The following NEBL variants were observed in gnomAD, a reference collection of about 807,000 sequenced individuals.
NEBL encodes the protein LIM and SH3 protein 2.
In NEBL, 122 loss-of-function variants were observed where a neutral mutation model predicts 140.2. That is an observed-to-expected ratio of 0.87 (90% CI 0.75 to 1.01). The LOEUF is 1.01. NEBL is among the 50% of genes least tolerant of loss of function. The probability of loss-of-function intolerance (pLI) is 0.00; values close to 1 mark genes in which losing one functional copy is unlikely to be tolerated. For missense variants in NEBL, 1,365 were observed against 1,231.3 expected (o/e 1.11, Z -1.62); for synonymous variants, 436 against 398.9 (o/e 1.09, Z -1.11).
chr10:21,287,954 C>T (rs1483111152), intron 1 of NEBL, among the ~76,000 whole-genome samples: 1 of 152,154 alleles, frequency 6.6e-6, no homozygotes, highest in Non-Finnish European at 1.5e-5. Flanking sequence ...ATGTTCATAT[C>T]CATATACTAT....
chr10:21,188,723 C>T (rs1841521416), intron 3 of NEBL, among the ~76,000 whole-genome samples: 1 of 151,566 alleles, frequency 6.6e-6, no homozygotes, highest in South Asian at 2.1e-4. Flanking sequence ...GCCTCAGCCT[C>T]CCGGGTACAG....
At chr10:20,847,625 G>T (rs760832101) in intron 11 of NEBL, among the ~76,000 whole-genome samples, 2 of 152,102 alleles carry the variant, frequency 1.3e-5, no homozygotes, top group African/African-American at 4.8e-5. Context: ...AAGAGGGGAG[G>T]GGGTAAAGGG....
intron 14 of NEBL, among the ~76,000 whole-genome samples, chr10:20,833,718 T>C (rs1840629283): frequency 6.8e-6 from 1 of 147,286 alleles, no homozygotes; most frequent in Admixed American, 6.9e-5. Flanking sequence ...ATTGCACCAC[T>C]GCACTCCAGC....
At chr10:21,242,938 C>G (rs2132266007) in intron 3 of NEBL, among the ~76,000 whole-genome samples, 1 of 152,182 alleles carries the variant, frequency 6.6e-6, no homozygotes, top group South Asian at 2.1e-4. Flanking sequence ...CCAAGCACAC[C>G]CCTGCCTTGG....
chr10:21,159,299 G>T (rs1008366783), intron 2 of NEBL, among the ~76,000 whole-genome samples: 3 of 151,950 alleles, frequency 2.0e-5, no homozygotes, highest in Non-Finnish European at 2.9e-5. Context: ...CAGTCACAGG[G>T]GTATGGCACA....
At position 20,897,299 on chromosome 10, in the gene NEBL, C is replaced by A; in HGVS notation, c.-94G>T. ...CCTTGAGATGCTGACGTCTCTGGTG[C>A]TCTGGCAGAAATGCCCTTGCCCAAG... is the stretch of plus-strand genomic sequence containing the variant. On this transcript the variant is annotated 5_prime_UTR_variant, in exon 1 of 28. Coordinates refer to ENST00000377122, the MANE Select transcript of NEBL (RefSeq NM_006393.3). 1 of 1,508,888 alleles carries A rather than the reference C, an allele frequency of 6.6e-7. No individual in the cohort carries two copies. The allele number at this position is 1,508,888 out of a possible 1,614,324, so 93.5% of individuals were successfully genotyped here.
In NEBL at chr10:21,207,633, T is replaced by C. The variant is rs528018612; in HGVS notation, n.349-35156A>G. Among the ~76,000 whole-genome samples, 16 of 152,094 alleles carry C rather than the reference T, an allele frequency of 1.1e-4. No individual in the cohort carries two copies. In the South Asian group the frequency reaches 2.9e-3, roughly 28 times the overall value. Reference sequence around the variant, plus strand: ...TGAGCTTCTGGTTGGGTTTGGCCAATGGGAGCCCCTGCAGGAGATCATGGA... The same window carrying C: ...TGAGCTTCTGGTTGGGTTTGGCCAACGGGAGCCCCTGCAGGAGATCATGGA... On this transcript the variant is annotated intron_variant and non_coding_transcript_variant, in intron 3 of 8. Coordinates refer to the NEBL transcript ENST00000675702.
At chr10:20,959,516 T>C (rs2131613986) in intron 4 of NEBL, among the ~76,000 whole-genome samples, 1 of 152,214 alleles carries the variant, frequency 6.6e-6, no homozygotes, top group Middle Eastern at 3.4e-3. Context: ...CCAAGTTTCT[T>C]ATAGAAAAAG....
At chr10:21,020,534 A>G (rs1838745897) in intron 2 of NEBL, among the ~76,000 whole-genome samples, 1 of 151,706 alleles carries the variant, frequency 6.6e-6, no homozygotes, top group African/African-American at 2.4e-5. Context: ...CCATCCTCCA[A>G]CCAAACTTCC....
intron 2 of NEBL, among the ~76,000 whole-genome samples, chr10:21,101,506 G>C (rs1837475656): frequency 6.6e-6 from 1 of 152,204 alleles, no homozygotes; most frequent in Admixed American, 6.5e-5. Flanking sequence ...ACAAAGGCAA[G>C]ACCTAGAGAC....
intron 2 of NEBL, among the ~76,000 whole-genome samples, chr10:21,074,483 CTTT>C (rs11345784): frequency 3.4e-4 from 48 of 142,500 alleles, no homozygotes; most frequent in African/African-American, 9.8e-4. Context: ...GAATTTTTTT[CTTT>C]TTTTTTTTTT....
chr10:21,012,055 T>C (rs1415008238), intron 3 of NEBL, among the ~76,000 whole-genome samples: 1 of 152,238 alleles, frequency 6.6e-6, no homozygotes, highest in Non-Finnish European at 1.5e-5. Flanking sequence ...GGTGGTTTTC[T>C]CTGCTTTTGG....
At chr10:21,185,668 T>C (rs957542277) in intron 3 of NEBL, among the ~76,000 whole-genome samples, 3 of 151,902 alleles carry the variant, frequency 2.0e-5, no homozygotes, top group Non-Finnish European at 4.4e-5. Flanking sequence ...GGCTAATTTT[T>C]GTATTTTTAG....
Position 20,841,605 on chromosome 10 carries a change from G to C in NEBL, c.1228-756C>G, listed in dbSNP as rs547785728. The stretch of plus-strand genomic sequence containing the variant: ...ATGTGCATAGATGATGGAATCTATG[G>C]CTCACGATGATGATGATGATGATAG... On this transcript the variant is annotated intron_variant, in intron 12 of 27. Coordinates refer to ENST00000377122, the MANE Select transcript of NEBL (RefSeq NM_006393.3). The C allele has an allele frequency of 2.0e-5, 3 of 152,054 alleles. No homozygotes were observed. In the South Asian group the frequency reaches 6.2e-4, roughly 32 times the overall value. 9.4% of individuals were successfully genotyped at this position (152,054 alleles called of 1,614,324 possible). A position where few individuals can be genotyped will look rare whatever the true frequency, so the allele number is the denominator to read the frequency against.
intron 2 of NEBL, among the ~76,000 whole-genome samples, chr10:21,089,586 T>C (rs1356469145): frequency 1.3e-5 from 2 of 151,708 alleles, no homozygotes; most frequent in Non-Finnish European, 1.5e-5. Context: ...CTGAATTCAC[T>C]CAAAAAGTGG....
chr10:21,197,828 A>G (rs913105058), intron 3 of NEBL, among the ~76,000 whole-genome samples: 4 of 152,152 alleles, frequency 2.6e-5, no homozygotes, highest in Admixed American at 2.0e-4. Context: ...CCCCATGAGA[A>G]GCTAACTCAC....
intron 26 of NEBL, among the ~76,000 whole-genome samples, chr10:20,801,453 T>G (rs2130710311): frequency 6.6e-6 from 1 of 152,150 alleles, no homozygotes. Context: ...TGCCTGGGCC[T>G]CCCAAAGTGC....
intron 2 of NEBL, among the ~76,000 whole-genome samples, chr10:20,894,798 A>G (rs2131397294): frequency 1.3e-5 from 2 of 150,510 alleles, no homozygotes; most frequent in Middle Eastern, 3.4e-3. Context: ...GCTTAGTGGC[A>G]GGCGCCTGTG....
chr10:20,795,812 T>C (rs1003226619), intron 26 of NEBL, among the ~76,000 whole-genome samples: 2 of 152,168 alleles, frequency 1.3e-5, no homozygotes, highest in Non-Finnish European at 2.9e-5. Flanking sequence ...CCACCATCAG[T>C]ATTAGAATAA....
Sources: allele counts gnomAD v4.1 joint callset (sites outside exome capture counted in the v4.1 genomes callset), GRCh38; gene constraint gnomAD v4.1.1; transcripts MANE v1.5; gene names NCBI Gene and HGNC (gene_info 2026-07-23, HGNC 2026-07-21).